TM9SF2: variants seen among roughly 807,000 people sequenced by gnomAD.
TM9SF2 encodes the protein transmembrane 9 superfamily member 2, also known as 76 kDa membrane protein.
Under a neutral mutation model 84.9 loss-of-function variants are expected in TM9SF2, and 13 were observed. The observed-to-expected ratio is 0.15, with a 90% CI of 0.10 to 0.24. The LOEUF is 0.24. Ranked by LOEUF, TM9SF2 falls within the 10% of genes least tolerant of loss-of-function variation. TM9SF2 has a pLI of 1.00. For synonymous variants in TM9SF2, 273 were observed against 285.8 expected, an observed-to-expected ratio of 0.96 and a Z score of 0.45; for missense variants, 562 against 818.5, an observed-to-expected ratio of 0.69 and a Z score of 3.82.
At chr13:99,522,943 G>A (rs539440200) in intron 3 of TM9SF2, among the ~76,000 whole-genome samples, 1 of 152,168 alleles carries the variant, frequency 6.6e-6, no homozygotes, top group Non-Finnish European at 1.5e-5. Context: ...TATAATAAAA[G>A]GAGAGCTTTA....
chr13:99,504,607 G>A (rs567545232), intron 1 of TM9SF2, among the ~76,000 whole-genome samples: 15 of 152,202 alleles, frequency 9.9e-5, no homozygotes, highest in African/African-American at 3.4e-4. Context: ...AGAATGCTGA[G>A]GATTTAGTAA....
At chr13:99,532,179 G>A (rs2046213353) in intron 4 of TM9SF2, among the ~76,000 whole-genome samples, 1 of 151,576 alleles carries the variant, frequency 6.6e-6, no homozygotes, top group African/African-American at 2.4e-5. Flanking sequence ...AGCCTCCCGA[G>A]TAGCTGGGAC....
chr13:99,525,845 G>A (rs530985699), intron 3 of TM9SF2, among the ~76,000 whole-genome samples: 8 of 152,140 alleles, frequency 5.3e-5, no homozygotes, highest in African/African-American at 1.7e-4. Flanking sequence ...GTGAGCCACC[G>A]CGCCCGGCCA....
intron 3 of TM9SF2, among the ~76,000 whole-genome samples, chr13:99,527,818 C>G (rs559270758): frequency 3.3e-5 from 5 of 152,312 alleles, no homozygotes; most frequent in South Asian, 4.1e-4. Context: ...TTTGCACACA[C>G]GTTTCTGTAT....
intron 1 of TM9SF2, among the ~76,000 whole-genome samples, chr13:99,505,863 A>G (rs186230711): frequency 6.6e-6 from 1 of 152,336 alleles, no homozygotes; most frequent in Admixed American, 6.5e-5. Flanking sequence ...TGGGTTGTCA[A>G]CCAGAATTCA....
chr13:99,530,929 C>T (rs1451865574), intron 4 of TM9SF2, among the ~76,000 whole-genome samples: 3 of 151,224 alleles, frequency 2.0e-5, no homozygotes, highest in African/African-American at 2.4e-5. Context: ...GGCGTGATCT[C>T]GGCTCACTGC....
chr13:99,546,918 C>A, intron 10 of TM9SF2, 67 bp from the exon 11 acceptor site: 1 of 1,594,836 alleles, frequency 6.3e-7, no homozygotes, highest in South Asian at 1.1e-5. Context: ...GAGAGGGTTT[C>A]TCTATCATTT....
chr13:99,547,134 G>C (rs2046286117), intron 11 of TM9SF2, 30 bp downstream of exon 11: 3 of 1,612,194 alleles, frequency 1.9e-6, no homozygotes, highest in Admixed American at 1.7e-5. Flanking sequence ...ACTGGCGTCT[G>C]ATCAGGAAGG....
intron 3 of TM9SF2, among the ~76,000 whole-genome samples, chr13:99,526,508 AGTGGAGTCCAGG>A (rs531949726): frequency 6.6e-6 from 1 of 152,330 alleles, no homozygotes; most frequent in South Asian, 2.1e-4. Flanking sequence ...TGTCGATTTA[AGTGGAGTCCAGG>A]GCTTGTTGGA....
intron 3 of TM9SF2, among the ~76,000 whole-genome samples, chr13:99,525,098 G>A (rs192103568): frequency 3.3e-5 from 5 of 152,292 alleles, no homozygotes; most frequent in East Asian, 3.9e-4. Flanking sequence ...GAAAGCAGCC[G>A]TGATAGAATA....
At chr13:99,548,380 T>C (rs555081966) in intron 11 of TM9SF2, among the ~76,000 whole-genome samples, 4 of 152,250 alleles carry the variant, frequency 2.6e-5, no homozygotes, top group Non-Finnish European at 5.9e-5. Flanking sequence ...TATGATCTTA[T>C]GTGTATATGT....
chr13:99,525,166 T>G (rs1281219629), intron 3 of TM9SF2, among the ~76,000 whole-genome samples: 5 of 152,154 alleles, frequency 3.3e-5, no homozygotes, highest in African/African-American at 1.2e-4. Flanking sequence ...ACAACTGTCT[T>G]GAGGACTTTT....
chr13:99,554,816 T>C (rs1351734886), intron 14 of TM9SF2, among the ~76,000 whole-genome samples: 1 of 152,188 alleles, frequency 6.6e-6, no homozygotes, highest in Non-Finnish European at 1.5e-5. Context: ...TCACCGAAGT[T>C]TCTCCAAACC....
chr13:99,553,169 CCTT>C (rs1426615971), intron 13 of TM9SF2, among the ~76,000 whole-genome samples: 3 of 152,192 alleles, frequency 2.0e-5, no homozygotes, highest in Non-Finnish European at 2.9e-5. Context: ...TCATCAGTAT[CCTT>C]CTCTAACCGC....
chr13:99,547,239 C>T (rs1278719958), intron 11 of TM9SF2, 135 bp downstream of exon 11: 3 of 1,255,958 alleles, frequency 2.4e-6, no homozygotes, highest in African/African-American at 3.0e-5. Flanking sequence ...TTAAAAGGAG[C>T]CTGCTTGGTG....
chr13:99,501,474 C>A lies in TM9SF2; in HGVS notation c.-133C>A. The A allele has an allele frequency of 1.7e-6, 2 of 1,195,066 alleles. No individual in the cohort carries two copies. Among genetic ancestry groups the A allele is most frequent in the Admixed American group, 2.5e-5 (1 of 40,330 alleles). The allele number at this position is 1,195,066 out of a possible 1,614,324, so 74.0% of individuals were successfully genotyped here. ...TTGCGGGACCCGGGGTGTCTCCTAGCGCAACCGGAACTAGCCTTCTGGGGG... is the reference window on the plus strand; with the variant it reads ...TTGCGGGACCCGGGGTGTCTCCTAGAGCAACCGGAACTAGCCTTCTGGGGG... On this transcript the variant is annotated 5_prime_UTR_variant, in exon 1 of 17. Coordinates refer to ENST00000376387, the MANE Select transcript of TM9SF2 (RefSeq NM_004800.3).
At chr13:99,510,945 T>C (rs2046111240) in intron 1 of TM9SF2, among the ~76,000 whole-genome samples, 1 of 152,242 alleles carries the variant, frequency 6.6e-6, no homozygotes, top group African/African-American at 2.4e-5. Context: ...CAGGATCTGT[T>C]GTTGTAAATG....
chr13:99,542,458 A>G (rs2046264485), intron 9 of TM9SF2, among the ~76,000 whole-genome samples: 1 of 152,238 alleles, frequency 6.6e-6, no homozygotes, highest in African/African-American at 2.4e-5. Context: ...AAACTTTTTA[A>G]GTTGCACAGT....
At chr13:99,544,692 G>C (rs1485617416) in intron 10 of TM9SF2, among the ~76,000 whole-genome samples, 1 of 152,192 alleles carries the variant, frequency 6.6e-6, no homozygotes, top group Non-Finnish European at 1.5e-5. Context: ...GAAAAGAAGG[G>C]ATGGGGCAGG....
Sources: allele counts gnomAD v4.1 joint callset (sites outside exome capture counted in the v4.1 genomes callset), GRCh38; gene constraint gnomAD v4.1.1; transcripts MANE v1.5; gene names NCBI Gene and HGNC (gene_info 2026-07-23, HGNC 2026-07-21).